The following PYHIN1 variants were observed in gnomAD, a reference collection of about 807,000 sequenced individuals.
PYHIN1 encodes pyrin and HIN domain family member 1.
A neutral mutation model predicts 43.7 loss-of-function variants in PYHIN1; 32 were observed. The observed-to-expected ratio is 0.73, with a 90% CI of 0.55 to 0.98. PYHIN1 has a LOEUF of 0.98. Among genes scored for constraint, PYHIN1 ranks in the 50% least tolerant of loss-of-function variants. PYHIN1 has a pLI of 0.00. For missense variants in PYHIN1, 588 were observed against 589.5 expected, an observed-to-expected ratio of 1.00 and a Z score of 0.03; for synonymous variants, 205 against 203.1, an observed-to-expected ratio of 1.01 and a Z score of -0.08.
In PYHIN1 at chr1:158,938,558, A is replaced by G; in HGVS notation, c.411+16A>G. On this transcript the variant is annotated intron_variant, in intron 3 of 8. Transcript: ENST00000368140. ...TGGACCTCAGGTAAGCTTCAGGAAG[A>G]GGAGCAGGCTTCAAGTCTCACAGTG... is the stretch of plus-strand genomic sequence containing the variant. 1.2e-6 allele frequency: 2 copies of G among 1,613,322 alleles called. No individual in the cohort carries two copies. Among genetic ancestry groups the G allele is most frequent in the Non-Finnish European group, 1.7e-6 (2 of 1,179,642 alleles).
downstream of PYHIN1, among the ~76,000 whole-genome samples, chr1:158,980,018 G>A (rs1310885020): frequency 6.6e-6 from 1 of 152,108 alleles, no homozygotes; most frequent in East Asian, 1.9e-4. Context: ...TTTTGCTTCA[G>A]ATAATGCCTT....
intron 7 of PYHIN1, among the ~76,000 whole-genome samples, chr1:158,957,391 T>C (rs377607825): frequency 0.01 from 1,579 of 152,314 alleles, 26 homozygotes; most frequent in African/African-American, 0.035. Flanking sequence ...AACATGGTAC[T>C]GTTACCAAAA....
intron 7 of PYHIN1, among the ~76,000 whole-genome samples, chr1:158,961,705 AC>A (rs1213948573): frequency 6.6e-6 from 1 of 152,026 alleles, no homozygotes; most frequent in African/African-American, 2.4e-5. Context: ...CTCAGGAGAT[AC>A]CCCTATGAGA....
At chr1:158,973,542 CACACAT>C (rs1651065816) in intron 7 of PYHIN1, 99 bp from the exon 8 acceptor site, 10 of 959,242 alleles carry the variant, frequency 1.0e-5, no homozygotes, top group African/African-American at 9.8e-5. Context: ...CACACATATA[CACACAT>C]GTATTACATC....
chr1:158,951,535 C>T (rs1227177252), intron 7 of PYHIN1, among the ~76,000 whole-genome samples: 1 of 152,208 alleles, frequency 6.6e-6, no homozygotes, highest in Admixed American at 6.5e-5. Flanking sequence ...TGCTAGTAAA[C>T]CCAGATCGAG....
At chr1:158,949,048 G>A (rs1393919771) in intron 7 of PYHIN1, among the ~76,000 whole-genome samples, 1 of 152,090 alleles carries the variant, frequency 6.6e-6, no homozygotes, top group Non-Finnish European at 1.5e-5. Context: ...GTGTAATTGT[G>A]ACTGGAATTA....
At chr1:158,938,564 A>G in intron 3 of PYHIN1, 22 bp downstream of exon 3, 1 of 1,612,708 alleles carries the variant, frequency 6.2e-7, no homozygotes, top group Non-Finnish European at 8.5e-7. Flanking sequence ...GAAGAGGAGC[A>G]GGCTTCAAGT....
rs561955051 is a variant in PYHIN1, at chr1:158,943,770, A to T, written c.1003-20A>T. The T allele has an allele frequency of 1.6e-5, 25 of 1,573,762 alleles. No homozygotes were observed. The South Asian group carries it at 2.6e-4, about 16-fold the overall frequency. ...TAGTTACTATGTTCTCACAAACATG[A>T]TATTAATTTTTTGTTGCAGAAAATT... On this transcript the variant is annotated intron_variant, in intron 5 of 8. Coordinates refer to ENST00000368140, the MANE Select transcript of PYHIN1 (RefSeq NM_152501.5).
At position 158,939,575 on chromosome 1, in the gene PYHIN1, C is replaced by T. The variant is rs867292929; in HGVS notation, c.579+328C>T. 5.5e-5 allele frequency: 80 copies of T among 1,450,632 alleles called. No homozygotes were observed. In the Middle Eastern group the frequency reaches 1.2e-3, roughly 22 times the overall value. 89.9% of individuals were successfully genotyped at this position (1,450,632 alleles called of 1,614,324 possible). A position where few individuals can be genotyped will look rare whatever the true frequency, so the allele number is the denominator to read the frequency against. ...TTTGCTCACTAATTTGTTCAAGTTTCTCTGACATACACCATGCTCCTTTTT... is the reference window on the plus strand; with the variant it reads ...TTTGCTCACTAATTTGTTCAAGTTTTTCTGACATACACCATGCTCCTTTTT... On this transcript the variant is annotated intron_variant, in intron 4 of 8. Transcript: ENST00000368140.
intron 7 of PYHIN1, among the ~76,000 whole-genome samples, chr1:158,965,367 G>A (rs908998864): frequency 6.6e-6 from 1 of 152,066 alleles, no homozygotes; most frequent in Non-Finnish European, 1.5e-5. Context: ...AGATATTCAG[G>A]AACTGCACTC....
chr1:158,950,993 G>A (rs752871004), intron 7 of PYHIN1, among the ~76,000 whole-genome samples: 9 of 152,118 alleles, frequency 5.9e-5, no homozygotes, highest in South Asian at 2.1e-4. Context: ...TAGTATCAAC[G>A]GATACATGTA....
chr1:158,968,980 T>C (rs1325284668), intron 7 of PYHIN1, among the ~76,000 whole-genome samples: 2 of 151,984 alleles, frequency 1.3e-5, no homozygotes, highest in Non-Finnish European at 2.9e-5. Flanking sequence ...AAATAATCTG[T>C]CCACCAAACC....
At chr1:158,983,983 T>C in the PYHIN1 span, among the ~76,000 whole-genome samples, 1 of 151,246 alleles carries the variant, frequency 6.6e-6, no homozygotes, top group Non-Finnish European at 1.5e-5. Context: ...TCCATGGTAA[T>C]GTCCCCTTTG....
At chr1:158,949,163 C>G (rs1553197268) in intron 7 of PYHIN1, among the ~76,000 whole-genome samples, 1 of 152,068 alleles carries the variant, frequency 6.6e-6, no homozygotes, top group Non-Finnish European at 1.5e-5. Flanking sequence ...GATAACCCAT[C>G]CCCCCATCAG....
chr1:158,948,417 T>G (rs1054113348), intron 7 of PYHIN1, among the ~76,000 whole-genome samples: 9 of 152,194 alleles, frequency 5.9e-5, no homozygotes, highest in African/African-American at 2.2e-4. Context: ...ATTCCAACCA[T>G]GTATTGATTG....
At chr1:158,975,098 T>A (rs1612844) in intron 8 of PYHIN1, among the ~76,000 whole-genome samples, 149,798 of 152,106 alleles carry the variant, frequency 0.98, 73,799 homozygotes, top group Middle Eastern at 1. Flanking sequence ...ACACCTAACC[T>A]CCCATATAGC....
downstream of PYHIN1, among the ~76,000 whole-genome samples, chr1:158,981,241 G>A (rs568646576): frequency 7.2e-5 from 11 of 152,162 alleles, no homozygotes; most frequent in Non-Finnish European, 1.3e-4. Flanking sequence ...AGGCTGAGGT[G>A]GGTGGATCAT....
Position 158,976,781 on chromosome 1 carries a change from A to G in PYHIN1, c.*86A>G, listed in dbSNP as rs1651288142. On this transcript the variant is annotated 3_prime_UTR_variant, in exon 9 of 9. Coordinates refer to ENST00000368140, the MANE Select transcript of PYHIN1 (RefSeq NM_152501.5). ...AAATTTTGCCTGAAGTCCTCCACCTAAAAACCTGATGCCATTGGTAATGAT... is the reference window on the plus strand; with the variant it reads ...AAATTTTGCCTGAAGTCCTCCACCTGAAAACCTGATGCCATTGGTAATGAT... 14 of 1,325,188 alleles carry G rather than the reference A, an allele frequency of 1.1e-5. No individual in the cohort carries two copies. The Admixed American group carries it at 2.1e-4, about 20-fold the overall frequency. 82.1% of individuals were successfully genotyped at this position (1,325,188 alleles called of 1,614,324 possible).
At chr1:158,939,453 C>T (rs1357421085) in intron 4 of PYHIN1, 3 of 1,551,776 alleles carry the variant, frequency 1.9e-6, no homozygotes, top group Non-Finnish European at 2.6e-6. Flanking sequence ...GTTTTCTGTC[C>T]TGTGCTGTTT....
Sources: gnomAD v4.1 joint callset for allele counts (sites outside exome capture counted in the v4.1 genomes callset) on GRCh38, gnomAD v4.1.1 for gene constraint, MANE v1.5 for transcripts, NCBI Gene and HGNC (gene_info 2026-07-23, HGNC 2026-07-21) for gene names.